The following GPC6 variants were observed in gnomAD, a reference collection of about 807,000 sequenced individuals.
GPC6 encodes glypican 6, also known as glypican-6.
GPC6 carries 14 observed loss-of-function variants against 55.2 expected under a neutral mutation model. That is an observed-to-expected ratio of 0.25 (90% CI 0.17 to 0.40). The LOEUF (loss-of-function observed/expected upper bound fraction) is 0.40. Among genes scored for constraint, GPC6 ranks in the 10% least tolerant of loss-of-function variants. The pLI is 1.00. For synonymous variants in GPC6, 278 were observed against 259.6 expected (o/e 1.07, Z -0.68); for missense variants, 641 against 708.5 (o/e 0.90, Z 1.08).
At chr13:94,148,752 G>A (rs1005805596) in intron 4 of GPC6, among the ~76,000 whole-genome samples, 3 of 152,128 alleles carry the variant, frequency 2.0e-5, no homozygotes, top group Non-Finnish European at 2.9e-5. Flanking sequence ...TTTGATGGTG[G>A]GAAGGATAGA....
intron 3 of GPC6, among the ~76,000 whole-genome samples, chr13:93,913,691 C>T (rs374381110): frequency 3.3e-5 from 5 of 152,076 alleles, no homozygotes; most frequent in East Asian, 3.9e-4. Flanking sequence ...TTTCTTTCAT[C>T]GTTTTTTTGG....
chr13:94,317,697 C>G (rs1041433585), intron 6 of GPC6, among the ~76,000 whole-genome samples: 1 of 152,088 alleles, frequency 6.6e-6, no homozygotes, highest in Admixed American at 6.6e-5. Context: ...AAATTAAAAG[C>G]TTTTTACAGT....
intron 3 of GPC6, among the ~76,000 whole-genome samples, chr13:93,832,022 G>A (rs1300664032): frequency 2.1e-5 from 3 of 142,174 alleles, no homozygotes; most frequent in East Asian, 4.2e-4. Context: ...CCTGGGAGGC[G>A]GGGCTTGCAG....
intron 1 of GPC6, among the ~76,000 whole-genome samples, chr13:93,509,989 G>T (rs1444275218): frequency 1.3e-5 from 2 of 152,096 alleles, no homozygotes; most frequent in Non-Finnish European, 1.5e-5. Context: ...TCATGAGAAG[G>T]TAATTTATAC....
At chr13:94,271,152 G>A (rs1214833482) in intron 4 of GPC6, among the ~76,000 whole-genome samples, 2 of 140,938 alleles carry the variant, frequency 1.4e-5, no homozygotes, top group South Asian at 2.4e-4. Context: ...CACCATGCCC[G>A]GCTAATTTTT....
chr13:93,790,508 C>T (rs1181654851), intron 2 of GPC6, among the ~76,000 whole-genome samples: 2 of 152,124 alleles, frequency 1.3e-5, no homozygotes, highest in Non-Finnish European at 2.9e-5. Context: ...TGAGGAAAAG[C>T]TCTTGCATTC....
chr13:93,877,139 A>G (rs879368134), intron 3 of GPC6, among the ~76,000 whole-genome samples: 1 of 152,110 alleles, frequency 6.6e-6, no homozygotes, highest in Non-Finnish European at 1.5e-5. Context: ...TAAAATGGCT[A>G]TGGATCGAAT....
intron 2 of GPC6, among the ~76,000 whole-genome samples, chr13:93,573,134 C>T (rs1253331369): frequency 6.6e-6 from 1 of 151,500 alleles, no homozygotes; most frequent in Non-Finnish European, 1.5e-5. Flanking sequence ...AGATATTTAT[C>T]AGTGGGAAAA....
intron 2 of GPC6, among the ~76,000 whole-genome samples, chr13:93,663,446 G>C (rs1881006629): frequency 6.6e-6 from 1 of 152,162 alleles, no homozygotes; most frequent in Non-Finnish European, 1.5e-5. Context: ...TTAAAGGTCT[G>C]TTAAGCTTAT....
rs139843753 is a variant in GPC6 at position 93,919,752 on chromosome 13, G to T, written c.711+89207G>T. Among the ~76,000 whole-genome samples the T allele has an allele frequency of 3.0e-4, 45 of 152,268 alleles. No individual in the cohort carries two copies. The East Asian group carries it at 7.5e-3, about 25-fold the overall frequency. ...GTCCATGTTTAACTTTGCTGCACTT[G>T]TTCCTGTTTCATCTCATTTCTGTTT... On this transcript the variant is annotated intron_variant, in intron 3 of 8. Coordinates refer to ENST00000377047, the MANE Select transcript of GPC6 (RefSeq NM_005708.5).
chr13:93,759,500 A>C (rs1265633357), intron 2 of GPC6, among the ~76,000 whole-genome samples: 2 of 152,164 alleles, frequency 1.3e-5, no homozygotes, highest in African/African-American at 4.8e-5. Flanking sequence ...CTGTGGGTTT[A>C]TAAGGAAGAT....
intron 1 of GPC6, among the ~76,000 whole-genome samples, chr13:93,515,436 T>C (rs1434868141): frequency 1.3e-5 from 2 of 152,166 alleles, no homozygotes; most frequent in African/African-American, 4.8e-5. Context: ...GTTTTTATAA[T>C]ACATTTAATA....
At chr13:94,131,886 A>G (rs1887014056) in intron 4 of GPC6, among the ~76,000 whole-genome samples, 1 of 152,232 alleles carries the variant, frequency 6.6e-6, no homozygotes, top group African/African-American at 2.4e-5. Flanking sequence ...CAAAAATGCT[A>G]TACAAGAAAA....
intron 3 of GPC6, among the ~76,000 whole-genome samples, chr13:93,973,182 G>A (rs1239868164): frequency 6.6e-6 from 1 of 152,166 alleles, no homozygotes; most frequent in African/African-American, 2.4e-5. Flanking sequence ...AGGCTATGTG[G>A]TATAACCTAT....
At chr13:93,331,329 CA>C (rs11299858) in intron 1 of GPC6, among the ~76,000 whole-genome samples, 21,222 of 152,156 alleles carry the variant, frequency 0.14, 1,726 homozygotes, top group East Asian at 0.42. Flanking sequence ...TATCCATTCT[CA>C]CTGACATCTT....
chr13:93,682,114 T>G (rs781429969), intron 2 of GPC6, among the ~76,000 whole-genome samples: 3 of 152,182 alleles, frequency 2.0e-5, no homozygotes, highest in Admixed American at 1.3e-4. Context: ...GACTGCTAGA[T>G]AATAAGCAGA....
chr13:93,578,721 G>A (rs1442259434), intron 2 of GPC6, among the ~76,000 whole-genome samples: 2 of 148,082 alleles, frequency 1.4e-5, no homozygotes, highest in African/African-American at 2.5e-5. Flanking sequence ...TTCCTTCTCC[G>A]AGTTTTCTGT....
At chr13:93,787,936 C>A (rs940520170) in intron 2 of GPC6, among the ~76,000 whole-genome samples, 1 of 152,076 alleles carries the variant, frequency 6.6e-6, no homozygotes, top group Non-Finnish European at 1.5e-5. Context: ...ACATTCATTG[C>A]AGAAGTGAAA....
rs533022231 is a variant in GPC6 at position 94,125,803 on chromosome 13, C to T, written c.877+97909C>T. 3.9e-4 allele frequency among the ~76,000 whole-genome samples: 59 copies of T among 151,894 alleles called. No individual in the cohort carries two copies. In the Middle Eastern group the frequency reaches 0.01, roughly 26 times the overall value. On this transcript the variant is annotated intron_variant, in intron 4 of 8. Transcript: ENST00000377047. ...GAGCACTGCTGTGTACCCACCAATC[C>T]TTAAAAGTTACATTATAAACTCCAG...
Sources: gnomAD v4.1 joint callset for allele counts (sites outside exome capture counted in the v4.1 genomes callset) on GRCh38, gnomAD v4.1.1 for gene constraint, MANE v1.5 for transcripts, NCBI Gene and HGNC (gene_info 2026-07-23, HGNC 2026-07-21) for gene names.